The following PAK4 variants were observed in gnomAD, a reference collection of about 807,000 sequenced individuals.
PAK4 encodes the protein serine/threonine-protein kinase PAK 4.
PAK4 carries 49 observed loss-of-function variants against 53.5 expected under a neutral mutation model. The ratio of observed to expected loss-of-function variants is 0.92; its 90% CI spans 0.73 to 1.16. PAK4 has a LOEUF of 1.16. Among genes scored for constraint, PAK4 ranks in the 50% most tolerant of loss-of-function variants. The pLI is 0.00. For synonymous variants in PAK4, 376 were observed against 375.6 expected (o/e 1.00, Z -0.01); for missense variants, 824 against 850.7 (o/e 0.97, Z 0.39).
At chr19:39,128,387 G>A (rs879520439) in intron 1 of PAK4, among the ~76,000 whole-genome samples, 6 of 152,138 alleles carry the variant, frequency 3.9e-5, no homozygotes, top group Non-Finnish European at 7.4e-5. Flanking sequence ...ACCTGGCTCT[G>A]GCAGGGTCAG....
chr19:39,164,277 CAAAAAAAA>C (rs57848634), intron 1 of PAK4, among the ~76,000 whole-genome samples: 4 of 77,750 alleles, frequency 5.1e-5, no homozygotes, highest in East Asian at 3.3e-4. Context: ...AACTCTGTCT[CAAAAAAAA>C]AAAAAAAAAA....
chr19:39,136,822 C>A (rs1046117781), intron 1 of PAK4, among the ~76,000 whole-genome samples: 1 of 152,198 alleles, frequency 6.6e-6, no homozygotes, highest in African/African-American at 2.4e-5. Context: ...TAATGGGGAC[C>A]CGCCCTGGGT....
chr19:39,154,049 C>G (rs2074136631), intron 1 of PAK4, among the ~76,000 whole-genome samples: 1 of 152,176 alleles, frequency 6.6e-6, no homozygotes, highest in Non-Finnish European at 1.5e-5. Context: ...TTCTTTGATG[C>G]TCATCCACAT....
chr19:39,169,558 T>A, exon 2 of PAK4: 1 of 1,612,828 alleles, frequency 6.2e-7, no homozygotes. Flanking sequence ...GGCACCATGT[T>A]TGGGAAGAGG....
chr19:39,177,845 C>G, intron 8 of PAK4, 36 bp downstream of exon 9: 1 of 1,584,042 alleles, frequency 6.3e-7, no homozygotes, highest in East Asian at 2.3e-5. Context: ...TGTGCGCCAG[C>G]TGGCGGGTGG....
rs141679017 is a variant in PAK4 at position 39,164,413 on chromosome 19, C to T, written c.-22-5119C>T. Among the ~76,000 whole-genome samples the T allele has an allele frequency of 6.8e-3, 1,039 of 152,016 alleles. 18 individuals are homozygous for T. The highest frequency in any genetic ancestry group is 0.023 in the African/African-American group (944 of 41,454). ...CAGGAGCAGGGCTTGTGAGCACAGG[C>T]GGGCCTGGGAAGTCAGGGAAGGTGG... On this transcript the variant is annotated intron_variant, in intron 1 of 8. Coordinates refer to ENST00000358301, the Ensembl canonical transcript of PAK4.
chr19:39,158,220 CGT>C (rs903872658), intron 1 of PAK4, among the ~76,000 whole-genome samples: 20 of 149,372 alleles, frequency 1.3e-4, no homozygotes, highest in South Asian at 8.6e-4. Context: ...TGTGGGTGTG[CGT>C]GTGTGTGCAT....
At chr19:39,144,010 C>T (rs1312291171) in intron 1 of PAK4, among the ~76,000 whole-genome samples, 1 of 150,718 alleles carries the variant, frequency 6.6e-6, no homozygotes, top group African/African-American at 2.4e-5. Context: ...GATTGCACCA[C>T]TACACTCCAG....
At chr19:39,158,144 TGC>T (rs199607640) in intron 1 of PAK4, among the ~76,000 whole-genome samples, 3,208 of 151,866 alleles carry the variant, frequency 0.021, 118 homozygotes, top group African/African-American at 0.074. Context: ...TGTGTGAGCG[TGC>T]GTGTGTGCAC....
At chr19:39,139,487 C>T (rs75400783) in intron 1 of PAK4, among the ~76,000 whole-genome samples, 80 of 152,180 alleles carry the variant, frequency 5.3e-4, no homozygotes, top group Middle Eastern at 3.4e-3. Context: ...TGGGAGTTTG[C>T]GAATGGGGAG....
chr19:39,181,879 A>G (rs910314836), downstream of PAK4: 2 of 151,990 alleles, frequency 1.3e-5, no homozygotes, highest in African/African-American at 2.4e-5. Flanking sequence ...CAGAGCCCCA[A>G]AATAAACAAT....
rs2144871815 is a variant in PAK4 at position 39,175,617 on chromosome 19, GA to G, written c.1359+180del. On this transcript the variant is annotated intron_variant, in intron 6 of 8. Transcript: ENST00000358301. The surrounding 1 kb of genome is among the most constrained non-coding windows in gnomAD (Gnocchi z 4.7). ...CAGAGTCAGGTTCCAGCTCAGTGGG[GA>G]CTCTGTGCAGTGGGAGGGCACAGGC... Among the ~76,000 whole-genome samples, 1 of 152,280 alleles carries G rather than the reference GA, an allele frequency of 6.6e-6. No homozygotes were observed. Among genetic ancestry groups the G allele is most frequent in the East Asian group, 1.9e-4 (1 of 5,182 alleles).
chr19:39,138,203 T>C (rs2073852271), intron 1 of PAK4, among the ~76,000 whole-genome samples: 1 of 151,932 alleles, frequency 6.6e-6, no homozygotes, highest in South Asian at 2.1e-4. Context: ...GGCCATCCTG[T>C]TCTCAAACTT....
At chr19:39,155,273 T>C (rs767433173) in intron 1 of PAK4, among the ~76,000 whole-genome samples, 1 of 152,154 alleles carries the variant, frequency 6.6e-6, no homozygotes, top group African/African-American at 2.4e-5. Context: ...TGTTCAGTGC[T>C]GAACTATCAG....
chr19:39,165,284 T>C (rs1260344478), intron 1 of PAK4, among the ~76,000 whole-genome samples: 1 of 143,958 alleles, frequency 6.9e-6, no homozygotes, highest in African/African-American at 2.6e-5. Flanking sequence ...AGGTGGATCA[T>C]GAGGTCAGGA....
At chr19:39,138,675 C>G (rs1328298397) in intron 1 of PAK4, among the ~76,000 whole-genome samples, 4 of 152,228 alleles carry the variant, frequency 2.6e-5, no homozygotes, top group Admixed American at 2.0e-4. Flanking sequence ...TTCTCCCATT[C>G]TCTGCTTCTT....
chr19:39,145,816 G>T (rs1373519305), intron 1 of PAK4, among the ~76,000 whole-genome samples: 2 of 117,614 alleles, frequency 1.7e-5, no homozygotes, highest in Middle Eastern at 3.7e-3. Flanking sequence ...ACCCTCACCC[G>T]CCCTGTTTGC....
At chr19:39,169,611 C>T (rs2074438358) in exon 2 of PAK4, 12 of 1,611,390 alleles carry the variant, frequency 7.4e-6, no homozygotes, top group Non-Finnish European at 1.0e-5. Context: ...CTTCGAGCAC[C>T]GCGTGCACAC....
intron 1 of PAK4, among the ~76,000 whole-genome samples, chr19:39,132,240 A>G (rs1160601031): frequency 1.3e-5 from 2 of 152,172 alleles, no homozygotes; most frequent in African/African-American, 2.4e-5. Flanking sequence ...CTCCATGTGC[A>G]TGCATTACCT....
Sources: allele counts gnomAD v4.1 joint callset (sites outside exome capture counted in the v4.1 genomes callset), GRCh38; gene constraint gnomAD v4.1.1; non-coding constraint Gnocchi (gnomAD v3.1); transcripts MANE v1.5; gene names NCBI Gene and HGNC (gene_info 2026-07-23, HGNC 2026-07-21).